The following EXOC3L2 variants were observed in gnomAD, a reference collection of about 807,000 sequenced individuals.
EXOC3L2 encodes the protein exocyst complex component 3 like 2.
EXOC3L2 carries 17 observed loss-of-function variants against 44.4 expected under a neutral mutation model. That is an observed-to-expected ratio of 0.38 (90% confidence interval 0.26 to 0.57). EXOC3L2 has a LOEUF of 0.57. EXOC3L2 is among the 20% of genes least tolerant of loss of function. EXOC3L2 has a pLI of 0.65. For synonymous variants in EXOC3L2, 256 were observed against 253.7 expected, an observed-to-expected ratio of 1.01 and a Z score of -0.09; for missense variants, 541 against 588.4, an observed-to-expected ratio of 0.92 and a Z score of 0.83.
intron 11 of EXOC3L2, 122 bp downstream of exon 11, chr19:45,215,951 G>T: frequency 3.6e-6 from 5 of 1,385,790 alleles, no homozygotes; most frequent in Non-Finnish European, 4.9e-6. Context: ...AGCAGGAAAC[G>T]GCCGTCAGAC....
Position 45,217,604 on chromosome 19 carries a change from G to A in EXOC3L2, c.1922C>T (p.Ser641Leu). The change falls in exon 10 of 12, where the codon TCG (serine) becomes TTG (leucine). Residue 641 changes from serine to leucine, a missense_variant. By Grantham distance (145) the Ser-to-Leu change is moderately radical. Transcript: ENST00000413988. The part of the protein sequence containing the change: ...PLLRGRLRCS[S>L]ARTRSRVAGR... ...GGCCACGCGGCTGCGGGTCCGCGCC[G>A]AGCTGCAGCGCAGGCGCCCACGGAG... 2.0e-6 allele frequency: 3 copies of A among 1,518,264 alleles called. No homozygotes were observed. Among genetic ancestry groups the A allele is most frequent in the Non-Finnish European group, 2.6e-6 (3 of 1,140,570 alleles). The allele number at this position is 1,518,264 out of a possible 1,614,324, so 94.0% of individuals were successfully genotyped here.
At position 45,227,419 on chromosome 19, in the gene EXOC3L2, C is replaced by T. The variant is rs539408842; in HGVS notation, c.1583+243G>A. Reference sequence around the variant, plus strand: ...TACAGGCATGAGCCACTGTGCCCAGCCAAAATCTATCATTCTTAGAGTCTT... The same window carrying T: ...TACAGGCATGAGCCACTGTGCCCAGTCAAAATCTATCATTCTTAGAGTCTT... On this transcript the variant is annotated intron_variant, in intron 7 of 11. Coordinates refer to ENST00000413988, the MANE Select transcript of EXOC3L2 (RefSeq NM_001382422.1). Among the ~76,000 whole-genome samples, 20 of 152,302 alleles carry T rather than the reference C, an allele frequency of 1.3e-4. No individual in the cohort carries two copies. The South Asian group carries it at 2.3e-3, about 17-fold the overall frequency.
intron 1 of EXOC3L2, among the ~76,000 whole-genome samples, 158 bp downstream of exon 1, chr19:45,245,183 C>G (rs1599770493): frequency 6.6e-6 from 1 of 152,126 alleles, no homozygotes; most frequent in East Asian, 1.9e-4. Context: ...GCCAGCACCC[C>G]TCTGGAGTCA....
At chr19:45,217,448 G>A (rs1348446176) in intron 10 of EXOC3L2, 80 bp downstream of exon 10, 2 of 1,423,904 alleles carry the variant, frequency 1.4e-6, no homozygotes, top group Non-Finnish European at 9.2e-7. Context: ...CTCTCCCCCT[G>A]GCTTTTGGGA....
intron 8 of EXOC3L2, among the ~76,000 whole-genome samples, chr19:45,219,069 C>T (rs1043207023): frequency 2.6e-5 from 4 of 151,958 alleles, no homozygotes; most frequent in African/African-American, 9.7e-5. Flanking sequence ...AAAAATTAGC[C>T]GGGCGCGGTG....
Position 45,231,704 on chromosome 19 carries a change from C to T in EXOC3L2, c.1269+59G>A, listed in dbSNP as rs1482945778. On this transcript the variant is annotated intron_variant, in intron 4 of 11. Coordinates refer to ENST00000413988, the MANE Select transcript of EXOC3L2 (RefSeq NM_001382422.1). Reference sequence around the variant, plus strand: ...GTGGAGGGGACAGGCTTCCCAAGCCCACTGTGACCCCCTCCCTCCACAGCA... The same window carrying T: ...GTGGAGGGGACAGGCTTCCCAAGCCTACTGTGACCCCCTCCCTCCACAGCA... The T allele has an allele frequency of 3.4e-6, 5 of 1,453,570 alleles. No individual in the cohort carries two copies. In the African/African-American group the frequency reaches 4.2e-5, roughly 12 times the overall value. 90.0% of individuals were successfully genotyped at this position (1,453,570 alleles called of 1,614,324 possible). A position where few individuals can be genotyped will look rare whatever the true frequency, so the allele number is the denominator to read the frequency against.
intron 7 of EXOC3L2, among the ~76,000 whole-genome samples, chr19:45,225,639 T>TG (rs1320665276): frequency 1.4e-5 from 2 of 146,078 alleles, no homozygotes; most frequent in Non-Finnish European, 3.0e-5. Context: ...TTTTTTTTTT[T>TG]GAGACACAGT....
Position 45,217,669 on chromosome 19 carries a change from C to G in EXOC3L2, c.1857G>C (p.Glu619Asp), listed in dbSNP as rs1445160034. Residue 619 changes from glutamate (E) to aspartate (D), a missense_variant, in exon 10 of 12, where the codon GAG becomes GAC. Glu to Asp is a conservative substitution (Grantham distance 45, BLOSUM62 2). Transcript: ENST00000413988. ...QDEPYQALVA[E>D]LHRRALVEYV... Reference sequence around the variant, plus strand: ...ACTCGACCAGCGCCCGCCGGTGTAGCTCGGCTACCAGCGCCTGGAGGCGGA... The same window carrying G: ...ACTCGACCAGCGCCCGCCGGTGTAGGTCGGCTACCAGCGCCTGGAGGCGGA... The G allele has an allele frequency of 7.1e-7, 1 of 1,407,568 alleles. No homozygotes were observed. The highest frequency in any genetic ancestry group is 1.5e-5 in the South Asian group (1 of 64,868). 87.2% of individuals were successfully genotyped at this position (1,407,568 alleles called of 1,614,324 possible).
chr19:45,227,628 G>T (rs1038441463), intron 7 of EXOC3L2, 34 bp downstream of exon 7: 2 of 1,569,920 alleles, frequency 1.3e-6, no homozygotes, highest in Non-Finnish European at 1.7e-6. Flanking sequence ...ACCTTGGATT[G>T]GTCCTCCCTC....
intron 2 of EXOC3L2, among the ~76,000 whole-genome samples, chr19:45,237,774 G>C (rs979622024): frequency 1.7e-4 from 26 of 152,142 alleles, no homozygotes; most frequent in Non-Finnish European, 3.8e-4. Flanking sequence ...TTGGAAATAG[G>C]GTCTTTACAG....
In EXOC3L2 at chr19:45,224,864, C is replaced by A. The variant is rs752640107; in HGVS notation, c.1633G>T (p.Ala545Ser). The change falls in exon 8 of 12, where the codon GCC becomes TCC. Residue 545 changes from alanine to serine, a missense_variant. Coordinates refer to ENST00000413988, the MANE Select transcript of EXOC3L2 (RefSeq NM_001382422.1). ...AGAGCACTAGCAGATGCTTCCCGGGCCGGCTCGCTTTCTGGGGGCCCCACC... is the reference window on the plus strand; with the variant it reads ...AGAGCACTAGCAGATGCTTCCCGGGACGGCTCGCTTTCTGGGGGCCCCACC... ...ARVGPPESEPAREASASALDH... is the reference protein window; with the variant it reads ...ARVGPPESEPSREASASALDH... 28 of 1,581,008 alleles carry A rather than the reference C, an allele frequency of 1.8e-5. No individual in the cohort carries two copies. The highest frequency in any genetic ancestry group is 2.7e-5 in the African/African-American group (2 of 73,896).
chr19:45,231,457 CAAA>C (rs34610401), intron 4 of EXOC3L2, among the ~76,000 whole-genome samples: 10 of 61,296 alleles, frequency 1.6e-4, no homozygotes, highest in Admixed American at 2.5e-4. Flanking sequence ...GACCCTGCCT[CAAA>C]AAAAAAAAAA....
intron 1 of EXOC3L2, among the ~76,000 whole-genome samples, chr19:45,241,477 CAAAAAAAAAAA>C (rs554632176): frequency 3.2e-5 from 3 of 94,856 alleles, no homozygotes; most frequent in Non-Finnish European, 6.1e-5. Context: ...GACTCCATCT[CAAAAAAAAAAA>C]AAAAAAAAGA....
intron 10 of EXOC3L2, 70 bp downstream of exon 10, chr19:45,217,458 A>G: frequency 6.9e-7 from 1 of 1,448,192 alleles, no homozygotes; most frequent in Non-Finnish European, 9.0e-7. Context: ...GGCTTTTGGG[A>G]CCTGAGATTC....
In EXOC3L2 at chr19:45,215,966, T is replaced by C. The variant is rs957336608; in HGVS notation, c.2120+107A>G. On this transcript the variant is annotated intron_variant, in intron 11 of 11. Transcript: ENST00000413988. ...AGCAGGAAACGGCCGTCAGACACGC[T>C]CACCGGCTCCCTCCCTCAGGAGGCA... 6.7e-6 allele frequency: 10 copies of C among 1,492,866 alleles called. No homozygotes were observed. The African/African-American group carries it at 1.4e-4, about 21-fold the overall frequency. The allele number at this position is 1,492,866 out of a possible 1,614,324, so 92.5% of individuals were successfully genotyped here.
chr19:45,214,261 C>T (rs1189648364), intron 11 of EXOC3L2, among the ~76,000 whole-genome samples: 2 of 152,120 alleles, frequency 1.3e-5, no homozygotes. Context: ...ACCCTCAGTG[C>T]TGAAACTGAA....
intron 1 of EXOC3L2, 78 bp from the exon 2 acceptor site, chr19:45,239,139 A>G: frequency 2.5e-6 from 1 of 396,652 alleles, no homozygotes. Context: ...TGTACCGAGC[A>G]CTTTGGGGTG....
At chr19:45,226,904 C>G (rs760883141) in intron 7 of EXOC3L2, among the ~76,000 whole-genome samples, 3 of 150,602 alleles carry the variant, frequency 2.0e-5, no homozygotes, top group Non-Finnish European at 4.4e-5. Flanking sequence ...AGGTGCCCAC[C>G]ACCAAGCCCG....
rs1467930270 is a variant in EXOC3L2 at position 45,226,747 on chromosome 19, C to CTCTT, written c.1583+914_1583+915insAAGA. Among the ~76,000 whole-genome samples the CTCTT allele has an allele frequency of 2.9e-4, 26 of 90,658 alleles. 1 individual carries two copies. The highest frequency in any genetic ancestry group is 1.5e-3 in the African/African-American group (25 of 16,274). The allele number at this position is 90,658 out of a possible 152,430, so 59.5% of individuals were successfully genotyped here. A position where few individuals can be genotyped will look rare whatever the true frequency, so the allele number is the denominator to read the frequency against. On this transcript the variant is annotated intron_variant, in intron 7 of 11. Coordinates refer to ENST00000413988, the MANE Select transcript of EXOC3L2 (RefSeq NM_001382422.1). ...CACTGTGCCCAGCTGACTCCCATCT[C>CTCTT]TTTTTTTTTTTTTTTTTTTTTTTGA...
Sources: gnomAD v4.1 joint callset for allele counts (sites outside exome capture counted in the v4.1 genomes callset) on GRCh38, gnomAD v4.1.1 for gene constraint, MANE v1.5 for transcripts, NCBI Gene and HGNC (gene_info 2026-07-23, HGNC 2026-07-21) for gene names.